The following BCAS3 variants were observed in gnomAD, a reference collection of about 807,000 sequenced individuals.
BCAS3 encodes BCAS4/BCAS3 fusion.
In BCAS3, 53 loss-of-function variants were observed where a neutral mutation model predicts 116.1. The observed-to-expected ratio is 0.46, with a 90% CI of 0.37 to 0.57. The LOEUF (loss-of-function observed/expected upper bound fraction) is 0.57. Ranked by LOEUF, BCAS3 falls within the 20% of genes least tolerant of loss-of-function variation. The pLI is 0.00. For synonymous variants in BCAS3, 391 were observed against 408.2 expected, an observed-to-expected ratio of 0.96 and a Z score of 0.51; for missense variants, 917 against 1,165.4, an observed-to-expected ratio of 0.79 and a Z score of 3.10.
chr17:61,033,222 T>C (rs1275727743), intron 16 of BCAS3, among the ~76,000 whole-genome samples: 2 of 152,180 alleles, frequency 1.3e-5, no homozygotes, highest in Non-Finnish European at 2.9e-5. Flanking sequence ...GAGTTGAGCA[T>C]GCATCAGAAT....
Position 61,241,799 on chromosome 17 carries a change from C to A in BCAS3, c.2426-126528C>A, listed in dbSNP as rs1414022662. 6.6e-6 allele frequency among the ~76,000 whole-genome samples: 1 copy of A among 152,152 alleles called. No individual in the cohort carries two copies. The highest frequency in any genetic ancestry group is 1.9e-4 in the East Asian group (1 of 5,192). On this transcript the variant is annotated intron_variant, in intron 22 of 23. Coordinates refer to ENST00000407086, the MANE Select transcript of BCAS3 (RefSeq NM_017679.5). The surrounding 1 kb of genome is among the most constrained non-coding windows in gnomAD (Gnocchi z 4.6). The stretch of plus-strand genomic sequence containing the variant: ...TTACCTATTTTTTCTCTACTAACAT[C>A]ATTTAACATGTAAAATAAAATTTTG...
intron 13 of BCAS3, among the ~76,000 whole-genome samples, chr17:60,933,897 C>A (rs2059788918): frequency 6.6e-6 from 1 of 152,120 alleles, no homozygotes; most frequent in African/African-American, 2.4e-5. Flanking sequence ...TACTTACTCT[C>A]TTGTTTCATC....
At chr17:60,971,662 T>C (rs969131952) in intron 14 of BCAS3, among the ~76,000 whole-genome samples, 1 of 152,228 alleles carries the variant, frequency 6.6e-6, no homozygotes, top group East Asian at 1.9e-4. Context: ...CCAGTGCCTC[T>C]TGAGCCAGTG....
At chr17:60,907,920 T>C (rs1039670467) in intron 11 of BCAS3, among the ~76,000 whole-genome samples, 1 of 152,204 alleles carries the variant, frequency 6.6e-6, no homozygotes, top group Non-Finnish European at 1.5e-5. Context: ...TGGACACTAG[T>C]GCTCATAGAT....
At chr17:61,078,192 A>T in intron 20 of BCAS3, 141 bp from the exon 21 acceptor site, 1 of 635,816 alleles carries the variant, frequency 1.6e-6, no homozygotes, top group Non-Finnish European at 2.8e-6. Context: ...ATCACCTTTT[A>T]ATTATGGGTG....
intron 15 of BCAS3, among the ~76,000 whole-genome samples, chr17:60,992,791 C>G (rs1339858257): frequency 2.6e-5 from 4 of 152,130 alleles, no homozygotes; most frequent in Non-Finnish European, 5.9e-5. Context: ...CATTTTATTT[C>G]AGACTTAGTT....
intron 22 of BCAS3, among the ~76,000 whole-genome samples, chr17:61,298,122 T>C (rs1016800179): frequency 1.3e-5 from 2 of 152,194 alleles, no homozygotes; most frequent in Non-Finnish European, 2.9e-5. Flanking sequence ...GATCCTTCTA[T>C]ATTTGTGTTC....
At chr17:60,730,447 A>G (rs1430947871) in intron 5 of BCAS3, among the ~76,000 whole-genome samples, 1 of 152,162 alleles carries the variant, frequency 6.6e-6, no homozygotes, top group Non-Finnish European at 1.5e-5. Flanking sequence ...CTCCTCACAA[A>G]TATGCATTTT....
intron 22 of BCAS3, among the ~76,000 whole-genome samples, chr17:61,163,932 G>C (rs2078319900): frequency 6.6e-6 from 1 of 150,436 alleles, no homozygotes; most frequent in African/African-American, 2.4e-5. Context: ...GGGAGGCAGA[G>C]GTTGCAGTGA....
At chr17:60,922,531 GACT>G (rs1448429748) in intron 12 of BCAS3, among the ~76,000 whole-genome samples, 1 of 152,140 alleles carries the variant, frequency 6.6e-6, no homozygotes, top group East Asian at 1.9e-4. Context: ...AAACATGTAC[GACT>G]ATTTCTCTAT....
rs540698513 is a variant in BCAS3, at chr17:60,719,270, C to T, written c.321+9945C>T. ...ATAGCGAATCGTTTGTTATTGGCAG[C>T]AAAAAGGTAAAGTGCAGAAAATGAG... On this transcript the variant is annotated intron_variant, in intron 5 of 23. Transcript: ENST00000407086. Among the ~76,000 whole-genome samples the T allele has an allele frequency of 4.1e-3, 630 of 152,248 alleles. 1 individual carries two copies. The highest frequency in any genetic ancestry group is 6.0e-3 in the Non-Finnish European group (411 of 68,006).
intron 6 of BCAS3, among the ~76,000 whole-genome samples, chr17:60,764,747 T>A (rs1347121214): frequency 5.3e-5 from 8 of 152,196 alleles, no homozygotes; most frequent in African/African-American, 1.4e-4. Context: ...GTCCTGCATA[T>A]CCTTATTAAC....
chr17:60,780,289 ATT>A (rs76897536), intron 6 of BCAS3, among the ~76,000 whole-genome samples: 14 of 127,264 alleles, frequency 1.1e-4, no homozygotes, highest in Admixed American at 2.4e-4. Flanking sequence ...TGCCCTGCCT[ATT>A]TTTTTTTTTT....
chr17:60,734,470 A>AAC (rs2040772111), intron 5 of BCAS3, among the ~76,000 whole-genome samples: 1 of 152,168 alleles, frequency 6.6e-6, no homozygotes, highest in African/African-American at 2.4e-5. Context: ...CGTGTTTCAC[A>AAC]TTTAGGTCTG....
At position 61,347,364 on chromosome 17, in the gene BCAS3, G is replaced by T. The variant is rs2057563957; in HGVS notation, c.2426-20963G>T. On this transcript the variant is annotated intron_variant, in intron 22 of 23. Transcript: ENST00000407086. The surrounding 1 kb of genome is among the most constrained non-coding windows in gnomAD (Gnocchi z 4.3). ...CCCAAAGTGCTGGGATTATAGGCAT[G>T]AGCCACCGCACCCGGCCAGAATCAC... 6.6e-6 allele frequency among the ~76,000 whole-genome samples: 1 copy of T among 152,192 alleles called. No individual in the cohort carries two copies. Among genetic ancestry groups the T allele is most frequent in the African/African-American group, 2.4e-5 (1 of 41,448 alleles).
At chr17:61,287,296 T>G (rs985591725) in intron 22 of BCAS3, among the ~76,000 whole-genome samples, 1 of 150,424 alleles carries the variant, frequency 6.6e-6, no homozygotes, top group African/African-American at 2.5e-5. Context: ...TAGAGATAAA[T>G]GAGAACCAAA....
At chr17:61,185,128 T>G (rs1280225650) in intron 22 of BCAS3, among the ~76,000 whole-genome samples, 1 of 152,014 alleles carries the variant, frequency 6.6e-6, no homozygotes, top group Non-Finnish European at 1.5e-5. Context: ...AAAACAACAG[T>G]GACAGAAACT....
At chr17:61,291,028 C>A (rs965999305) in intron 22 of BCAS3, among the ~76,000 whole-genome samples, 4 of 152,180 alleles carry the variant, frequency 2.6e-5, no homozygotes, top group Non-Finnish European at 5.9e-5. Flanking sequence ...AATCCACCCG[C>A]CTTGGCCTCC....
chr17:61,104,506 C>T lies in BCAS3; in HGVS notation c.2425+19942C>T, dbSNP rs2074521125. On this transcript the variant is annotated intron_variant, in intron 22 of 23. Transcript: ENST00000407086. The surrounding 1 kb of genome is among the most constrained non-coding windows in gnomAD (Gnocchi z 4.1). ...ATCAGTAATTACTATTTGAGGCAAC[C>T]TTTGGGGATTGAGATATATGCCTTT... 6.6e-6 allele frequency among the ~76,000 whole-genome samples: 1 copy of T among 152,088 alleles called. No homozygotes were observed. The highest frequency in any genetic ancestry group is 1.5e-5 in the Non-Finnish European group (1 of 68,032).
Sources: allele counts gnomAD v4.1 joint callset (sites outside exome capture counted in the v4.1 genomes callset), GRCh38; gene constraint gnomAD v4.1.1; non-coding constraint Gnocchi (gnomAD v3.1); transcripts MANE v1.5; gene names NCBI Gene and HGNC (gene_info 2026-07-23, HGNC 2026-07-21).